The following CIT variants were observed in gnomAD, a reference collection of about 807,000 sequenced individuals.
CIT encodes the protein citron rho-interacting serine/threonine kinase.
A neutral mutation model predicts 272.7 loss-of-function variants in CIT; 79 were observed. That is an observed-to-expected ratio of 0.29 (90% confidence interval 0.24 to 0.35). CIT has a LOEUF of 0.35. Ranked by LOEUF, CIT falls within the 10% of genes least tolerant of loss-of-function variation. The pLI, the probability that CIT is intolerant of heterozygous loss-of-function variation, is 1.00. For missense variants in CIT, 1,909 were observed against 2,618.3 expected (o/e 0.73, Z 5.91); for synonymous variants, 948 against 995.6 (o/e 0.95, Z 0.90).
At chr12:119,797,078 A>T (rs190038990) in intron 10 of CIT, among the ~76,000 whole-genome samples, 1 of 152,346 alleles carries the variant, frequency 6.6e-6, no homozygotes, top group African/African-American at 2.4e-5. Context: ...AAGAACTAGG[A>T]GAAATTCACG....
At position 119,768,776 on chromosome 12, in the gene CIT, C is replaced by G. The variant is rs1391085295; in HGVS notation, c.2209-1594G>C. ...ACTTCTTTTACTAAGGCCAAGGACT[C>G]TACTGTACTGACTGTACCATTATCT... On this transcript the variant is annotated intron_variant, in intron 18 of 47. Transcript: ENST00000392521. The surrounding 1 kb of genome is among the most constrained non-coding windows in gnomAD (Gnocchi z 4.3). Among the ~76,000 whole-genome samples, 3 of 152,220 alleles carry G rather than the reference C, an allele frequency of 2.0e-5. No individual in the cohort carries two copies. The highest frequency in any genetic ancestry group is 2.9e-5 in the Non-Finnish European group (2 of 68,044).
Position 119,857,693 on chromosome 12 carries a change from C to T in CIT, c.244G>A (p.Asp82Asn), listed in dbSNP as rs745580393. The change falls in exon 4 of 48, where the codon GAC becomes AAC. Residue 82 changes from aspartate to asparagine, a missense_variant. Physicochemically the swap from Asp to Asn is conservative, Grantham distance 23 (BLOSUM62 1). Transcript: ENST00000392521. Reference protein sequence around the residue: ...HVSNFVRKYSDTIAELQELQP... With the variant: ...HVSNFVRKYSNTIAELQELQP... ...AGCTCCTGTAACTCAGCTATGGTGT[C>T]GGAATCTGCAAAAGATGCAAGAGTT... The T allele has an allele frequency of 8.1e-6, 13 of 1,612,488 alleles. No homozygotes were observed. In the East Asian group the frequency reaches 1.3e-4, roughly 17 times the overall value.
intron 10 of CIT, among the ~76,000 whole-genome samples, chr12:119,795,115 C>T (rs753444779): frequency 1.3e-5 from 2 of 152,220 alleles, no homozygotes; most frequent in African/African-American, 4.8e-5. Flanking sequence ...GGCGTGGTGG[C>T]TCACATCTGT....
chr12:119,719,038 C>G, intron 30 of CIT, 177 bp from the exon 31 acceptor site: 1 of 625,458 alleles, frequency 1.6e-6, no homozygotes, highest in Non-Finnish European at 2.7e-6. Context: ...ACAGCCCGTT[C>G]CAGCCGGCTG....
chr12:119,788,233 AAC>A (rs375987470), intron 10 of CIT, among the ~76,000 whole-genome samples: 1 of 152,026 alleles, frequency 6.6e-6, no homozygotes, highest in South Asian at 2.1e-4. Flanking sequence ...AAATCTAGCC[AAC>A]ACACACACAC....
In CIT at chr12:119,690,366, G is replaced by A. The variant is rs761917468; in HGVS notation, c.5971C>T (p.His1991Tyr). 6.9e-6 allele frequency: 11 copies of A among 1,598,342 alleles called. No individual in the cohort carries two copies. The African/African-American group carries it at 1.5e-4, about 21-fold the overall frequency. ...SSPAPPEGPSHPREPSTPHRY... is the reference protein window; with the variant it reads ...SSPAPPEGPSYPREPSTPHRY... ...TGGGGTGTGCTTGGCTCTCGCGGGT[G>A]GCTGGGGCCTTCGGGCGGCGCTGGG... The change falls in exon 47 of 48, where the codon CAC (histidine) becomes TAC (tyrosine). Residue 1991 changes from histidine to tyrosine, a missense_variant. His to Tyr is a moderately conservative substitution (Grantham distance 83). Coordinates refer to ENST00000392521, the MANE Select transcript of CIT (RefSeq NM_001206999.2). This position sits in a 1 kb window ranked among gnomAD's most constrained non-coding sequence, Gnocchi z 6.0.
At chr12:119,782,813 G>C in intron 12 of CIT, 176 bp from the exon 13 acceptor site, 2 of 648,124 alleles carry the variant, frequency 3.1e-6, no homozygotes, top group Middle Eastern at 4.2e-4. Flanking sequence ...AAAACCCCTT[G>C]GTTCAAGAAA....
At chr12:119,767,918 T>TC (rs1962641133) in intron 18 of CIT, among the ~76,000 whole-genome samples, 1 of 151,848 alleles carries the variant, frequency 6.6e-6, no homozygotes, top group Non-Finnish European at 1.5e-5. Flanking sequence ...CCAGCTTTTT[T>TC]TTTTTTTTTT....
At position 119,758,584 on chromosome 12, in the gene CIT, T is replaced by C. The variant is rs767202476; in HGVS notation, c.2531+7A>G. 1 of 1,571,424 alleles carries C rather than the reference T, an allele frequency of 6.4e-7. No individual in the cohort carries two copies. Among genetic ancestry groups the C allele is most frequent in the East Asian group, 2.2e-5 (1 of 44,692 alleles). ...TAATGTAGGGCAGTTAGAATTTGAATACTTACATGTTCCTTTGGGTAAAAA... is the reference window on the plus strand; with the variant it reads ...TAATGTAGGGCAGTTAGAATTTGAACACTTACATGTTCCTTTGGGTAAAAA... On this transcript the variant is annotated splice_region_variant and intron_variant, in intron 21 of 47. Coordinates refer to ENST00000392521, the MANE Select transcript of CIT (RefSeq NM_001206999.2).
At chr12:119,750,524 T>C (rs1257722980) in intron 23 of CIT, among the ~76,000 whole-genome samples, 3 of 152,022 alleles carry the variant, frequency 2.0e-5, no homozygotes, top group South Asian at 2.1e-4. Context: ...AGTGTTCTCA[T>C]AGAGACTATG....
At chr12:119,800,293 C>T (rs142515496) in intron 10 of CIT, among the ~76,000 whole-genome samples, 38 of 152,264 alleles carry the variant, frequency 2.5e-4, no homozygotes, top group African/African-American at 9.1e-4. Flanking sequence ...CAAAGACAAC[C>T]AAACCTAGTT....
intron 23 of CIT, 186 bp from the exon 24 acceptor site, chr12:119,742,650 T>C (rs1959114760): frequency 3.8e-6 from 2 of 520,712 alleles, no homozygotes; most frequent in Admixed American, 3.7e-5. Context: ...GAATACACAA[T>C]GCTGTGTTAA....
rs537743152 is a variant in CIT, at chr12:119,755,761, C to T, written c.2706+1610G>A. On this transcript the variant is annotated intron_variant, in intron 22 of 47. Coordinates refer to ENST00000392521, the MANE Select transcript of CIT (RefSeq NM_001206999.2). The stretch of plus-strand genomic sequence containing the variant: ...ATGTAACCTTATGGCTTCAATCAAC[C>T]TCAACATGTCTACAACCCAATTTGT... 3.3e-5 allele frequency among the ~76,000 whole-genome samples: 5 copies of T among 152,330 alleles called. No individual in the cohort carries two copies. In the South Asian group the frequency reaches 8.3e-4, roughly 25 times the overall value.
chr12:119,698,185 T>G, intron 44 of CIT, 131 bp from the exon 45 acceptor site: 1 of 770,644 alleles, frequency 1.3e-6, no homozygotes, highest in Non-Finnish European at 2.3e-6. Context: ...AATACATATC[T>G]ATGCGCCAGA....
intron 10 of CIT, among the ~76,000 whole-genome samples, chr12:119,798,261 G>A (rs1965910740): frequency 6.6e-6 from 1 of 152,062 alleles, no homozygotes; most frequent in South Asian, 2.1e-4. Flanking sequence ...CATCATTCGT[G>A]ATTCTCTACA....
At position 119,850,272 on chromosome 12, in the gene CIT, A is replaced by C; in HGVS notation, c.418T>G (p.Ser140Ala). ...ATGTTCCGCTCTTCCTCAAAAAATG[A>C]AACCTAGGGAAAAAAGAAACTGCTT... ...KKALLAQEQV[S>A]FFEEERNILS... The change falls in exon 5 of 48, where the codon TCA (serine) becomes GCA (alanine). Residue 140 changes from serine to alanine, a missense_variant. Coordinates refer to ENST00000392521, the MANE Select transcript of CIT (RefSeq NM_001206999.2). The C allele has an allele frequency of 6.2e-7, 1 of 1,605,200 alleles. No homozygotes were observed. The highest frequency in any genetic ancestry group is 8.5e-7 in the Non-Finnish European group (1 of 1,172,668).
intron 10 of CIT, among the ~76,000 whole-genome samples, chr12:119,800,137 T>C (rs1346182372): frequency 6.6e-6 from 1 of 152,114 alleles, no homozygotes; most frequent in Non-Finnish European, 1.5e-5. Context: ...ACCCTACTAT[T>C]GTCAAGTTCA....
intron 9 of CIT, among the ~76,000 whole-genome samples, chr12:119,814,807 C>G (rs1055649459): frequency 6.6e-6 from 1 of 151,876 alleles, no homozygotes; most frequent in Admixed American, 6.6e-5. Context: ...GAGGCCGAGG[C>G]GGGCGGATTA....
chr12:119,843,282 G>A (rs914144399), intron 5 of CIT, among the ~76,000 whole-genome samples: 3 of 152,214 alleles, frequency 2.0e-5, no homozygotes, highest in Admixed American at 2.0e-4. Flanking sequence ...CCAGAGGACA[G>A]CAGGGAGTCT....
Sources: allele counts gnomAD v4.1 joint callset (sites outside exome capture counted in the v4.1 genomes callset), GRCh38; gene constraint gnomAD v4.1.1; non-coding constraint Gnocchi (gnomAD v3.1); transcripts MANE v1.5; gene names NCBI Gene and HGNC (gene_info 2026-07-23, HGNC 2026-07-21).